MYO1F: variants seen among roughly 807,000 people sequenced by gnomAD.
The protein encoded by MYO1F is unconventional myosin-If.
A neutral mutation model predicts 146.6 loss-of-function variants in MYO1F; 60 were observed. The observed-to-expected ratio is 0.41, with a 90% CI of 0.33 to 0.51. MYO1F has a LOEUF of 0.51. Among genes scored for constraint, MYO1F ranks in the 20% least tolerant of loss-of-function variants. The pLI is 0.25. For synonymous variants in MYO1F, 602 were observed against 602.1 expected (o/e 1.00, Z 0.00); for missense variants, 1,274 against 1,534.3 (o/e 0.83, Z 2.83).
chr19:8,535,254 A>G (rs1441041032), intron 19 of MYO1F, among the ~76,000 whole-genome samples: 2 of 152,138 alleles, frequency 1.3e-5, no homozygotes, highest in African/African-American at 2.4e-5. Flanking sequence ...TCTTTTATAA[A>G]TATTCAGTCT....
intron 14 of MYO1F, among the ~76,000 whole-genome samples, chr19:8,542,516 T>C (rs796835817): frequency 6.6e-6 from 1 of 151,914 alleles, no homozygotes; most frequent in Non-Finnish European, 1.5e-5. Flanking sequence ...TACCAAAGGT[T>C]AGGGCCCTCT....
At chr19:8,552,575 T>C (rs925355354) in intron 6 of MYO1F, among the ~76,000 whole-genome samples, 1 of 152,056 alleles carries the variant, frequency 6.6e-6, no homozygotes, top group Non-Finnish European at 1.5e-5. Flanking sequence ...CCCAAGGGTA[T>C]GGAATTTATT....
At chr19:8,529,535 C>T (rs780941697) in intron 21 of MYO1F, among the ~76,000 whole-genome samples, 2 of 151,938 alleles carry the variant, frequency 1.3e-5, no homozygotes, top group Non-Finnish European at 2.9e-5. Flanking sequence ...GACTAGGCTG[C>T]CTGGGCCAGG....
intron 1 of MYO1F, among the ~76,000 whole-genome samples, chr19:8,562,955 C>A (rs1277037377): frequency 6.6e-6 from 1 of 152,000 alleles, no homozygotes; most frequent in Non-Finnish European, 1.5e-5. Flanking sequence ...CTCTCCTGGG[C>A]CTTCTTGGAC....
At chr19:8,539,467 A>G (rs1321889909) in intron 16 of MYO1F, among the ~76,000 whole-genome samples, 2 of 152,034 alleles carry the variant, frequency 1.3e-5, no homozygotes, top group East Asian at 3.9e-4. Context: ...GTGGTGGCGC[A>G]TGCTTGTAAT....
rs564712749 is a variant in MYO1F at position 8,533,913 on chromosome 19, G to A, written c.2043+2339C>T. The stretch of plus-strand genomic sequence containing the variant: ...GAAAATCAAAATAGGGGCCGGGCGC[G>A]GTGGCTCATGCATATAATCCCAGCA... On this transcript the variant is annotated intron_variant, in intron 19 of 27. Transcript: ENST00000644032. Among the ~76,000 whole-genome samples the A allele has an allele frequency of 8.5e-5, 13 of 152,200 alleles. No homozygotes were observed. The South Asian group carries it at 2.1e-3, about 24-fold the overall frequency.
chr19:8,537,833 G>A (rs184546910), intron 16 of MYO1F, among the ~76,000 whole-genome samples: 4 of 152,224 alleles, frequency 2.6e-5, no homozygotes, highest in South Asian at 2.1e-4. Flanking sequence ...GTGCTCAAGC[G>A]ATCAACTGCC....
At chr19:8,563,863 A>T (rs1240498415) in intron 1 of MYO1F, among the ~76,000 whole-genome samples, 1 of 151,910 alleles carries the variant, frequency 6.6e-6, no homozygotes, top group East Asian at 1.9e-4. Flanking sequence ...TCCTAGCCTC[A>T]GGTGATCCAC....
intron 14 of MYO1F, 78 bp from the exon 15 acceptor site, chr19:8,542,069 A>G: frequency 1.8e-6 from 2 of 1,128,648 alleles, no homozygotes; most frequent in Middle Eastern, 2.1e-4. Context: ...CTTACAGCCC[A>G]GGTGGTCAAG....
intron 9 of MYO1F, 44 bp downstream of exon 9, chr19:8,550,518 C>T (rs1422036649): frequency 2.5e-6 from 4 of 1,614,040 alleles, no homozygotes; most frequent in Admixed American, 3.3e-5. Flanking sequence ...GCAGTTCACC[C>T]ACCCACAGGC....
Position 8,553,041 on chromosome 19 carries a change from CTT to C in MYO1F, c.504+96_504+97del. On this transcript the variant is annotated intron_variant, in intron 6 of 27. Coordinates refer to ENST00000644032, the MANE Select transcript of MYO1F (RefSeq NM_012335.4). ...TTTCCTGCTGGGTTTTCAATGGACT[CTT>C]GTCTTGGCAATACGGGTGTGTGTAT... is the stretch of plus-strand genomic sequence containing the variant. 3.4e-6 allele frequency: 4 copies of C among 1,190,614 alleles called. No homozygotes were observed. In the South Asian group the frequency reaches 3.7e-5, roughly 11 times the overall value. The allele number at this position is 1,190,614 out of a possible 1,614,324, so 73.8% of individuals were successfully genotyped here.
intron 13 of MYO1F, among the ~76,000 whole-genome samples, chr19:8,545,221 G>A (rs1453207989): frequency 6.6e-6 from 1 of 152,096 alleles, no homozygotes; most frequent in Non-Finnish European, 1.5e-5. Context: ...CCGGGTAGCT[G>A]GGATTACAGG....
intron 16 of MYO1F, among the ~76,000 whole-genome samples, chr19:8,537,939 G>C (rs1972797712): frequency 6.6e-6 from 1 of 151,320 alleles, no homozygotes; most frequent in Non-Finnish European, 1.5e-5. Flanking sequence ...ATGCCTGAGA[G>C]GTTTGCCTTG....
intron 15 of MYO1F, among the ~76,000 whole-genome samples, chr19:8,541,403 TTG>T (rs200079933): frequency 0.077 from 10,009 of 130,172 alleles, 1,188 homozygotes; most frequent in African/African-American, 0.23. Context: ...GCTATGTTCT[TTG>T]TGTGTGTGTG....
At chr19:8,543,687 G>GTGC (rs1973096644) in intron 14 of MYO1F, among the ~76,000 whole-genome samples, 5 of 48,632 alleles carry the variant, frequency 1.0e-4, no homozygotes, top group Admixed American at 2.1e-4. Context: ...GGTGGTGGTG[G>GTGC]TGGTGGTGGT....
intron 1 of MYO1F, among the ~76,000 whole-genome samples, chr19:8,574,459 A>AT (rs1414092666): frequency 6.6e-6 from 1 of 151,536 alleles, no homozygotes; most frequent in East Asian, 1.9e-4. Flanking sequence ...ATGGAAGACA[A>AT]TTTTTCCATG....
At position 8,550,396 on chromosome 19, in the gene MYO1F, T is replaced by C. The variant is rs764028694; in HGVS notation, c.905-40A>G. Reference sequence around the variant, plus strand: ...GTCAGGGCAAAAATGGGACAGTTGGTTGGGCTCTTGTGCCTCCTGCATGGG... The same window carrying C: ...GTCAGGGCAAAAATGGGACAGTTGGCTGGGCTCTTGTGCCTCCTGCATGGG... On this transcript the variant is annotated intron_variant, in intron 9 of 27. Coordinates refer to ENST00000644032, the MANE Select transcript of MYO1F (RefSeq NM_012335.4). 36 of 1,593,068 alleles carry C rather than the reference T, an allele frequency of 2.3e-5. No individual in the cohort carries two copies. The East Asian group carries it at 5.8e-4, about 26-fold the overall frequency.
intron 1 of MYO1F, among the ~76,000 whole-genome samples, chr19:8,562,156 A>ATTTTTTTTTTTTTTTTT (rs1490847496): frequency 5.6e-5 from 8 of 142,812 alleles, no homozygotes; most frequent in African/African-American, 1.6e-4. Context: ...TGCCCGGCTA[A>ATTTTTTTTTTTTTTTTT]TTTTTTCTTT....
chr19:8,524,371 C>T lies in MYO1F; in HGVS notation c.2854+1108G>A, dbSNP rs554224458. ...GTGGAAAGTTGCAGTGCGCTGAGACCGCACCATTGCACCCCAGCCTGGGCA... is the reference window on the plus strand; with the variant it reads ...GTGGAAAGTTGCAGTGCGCTGAGACTGCACCATTGCACCCCAGCCTGGGCA... On this transcript the variant is annotated intron_variant, in intron 25 of 27. Transcript: ENST00000644032. Among the ~76,000 whole-genome samples the T allele has an allele frequency of 3.2e-4, 48 of 148,172 alleles. No homozygotes were observed. The East Asian group carries it at 7.9e-3, about 24-fold the overall frequency.
Sources: allele counts gnomAD v4.1 joint callset (sites outside exome capture counted in the v4.1 genomes callset), GRCh38; gene constraint gnomAD v4.1.1; transcripts MANE v1.5; gene names NCBI Gene and HGNC (gene_info 2026-07-23, HGNC 2026-07-21).